The following PDK1 variants were observed in gnomAD, a reference collection of about 807,000 sequenced individuals.
The protein encoded by PDK1 is pyruvate dehydrogenase kinase 1, also known as [Pyruvate dehydrogenase (acetyl-transferring)] kinase isozyme 1, mitochondrial.
Under a neutral mutation model 54.2 loss-of-function variants are expected in PDK1, and 39 were observed. The ratio of observed to expected loss-of-function variants is 0.72; its 90% confidence interval spans 0.56 to 0.94. The LOEUF (loss-of-function observed/expected upper bound fraction) is 0.94. Ranked by LOEUF, PDK1 falls within the 40% of genes least tolerant of loss-of-function variation. The pLI is 0.00. For synonymous variants in PDK1, 221 were observed against 207.1 expected, an observed-to-expected ratio of 1.07 and a Z score of -0.58; for missense variants, 552 against 566.0, an observed-to-expected ratio of 0.98 and a Z score of 0.25.
At chr2:172,711,847 C>G in the PDK1 span, among the ~76,000 whole-genome samples, 6 of 104,826 alleles carry the variant, frequency 5.7e-5, no homozygotes, top group African/African-American at 2.3e-4. Flanking sequence ...GCCAGGGCAA[C>G]AGAGTGAGAA....
rs1691354678 is a variant in PDK1 at position 172,608,070 on chromosome 2, T to G, written c.*12101T>G. On this transcript the variant is annotated 3_prime_UTR_variant, in exon 11 of 11. Coordinates refer to ENST00000282077, the MANE Select transcript of PDK1 (RefSeq NM_002610.5). ...TAATACTTGACTGACATTGAGACCC[T>G]TGATGCAAAAAGGTAAGTAGAAGAG... is the stretch of plus-strand genomic sequence containing the variant. 6.6e-6 allele frequency: 1 copy of G among 152,104 alleles called. No individual in the cohort carries two copies. The highest frequency in any genetic ancestry group is 2.4e-5 in the African/African-American group (1 of 41,428). The allele number at this position is 152,104 out of a possible 1,614,324, so 9.4% of individuals were successfully genotyped here. A position where few individuals can be genotyped will look rare whatever the true frequency, so the allele number is the denominator to read the frequency against.
the PDK1 span, among the ~76,000 whole-genome samples, chr2:172,632,951 A>C: frequency 2.2e-5 from 3 of 134,238 alleles, no homozygotes; most frequent in African/African-American, 8.2e-5. Flanking sequence ...ACTGCACTCC[A>C]GCCTGGGCGA....
chr2:172,682,890 T>C, the PDK1 span, among the ~76,000 whole-genome samples: 1 of 152,096 alleles, frequency 6.6e-6, no homozygotes. Context: ...GGACCATGAA[T>C]ATATTTTGAA....
At chr2:172,654,942 T>C in the PDK1 span, among the ~76,000 whole-genome samples, 2 of 152,162 alleles carry the variant, frequency 1.3e-5, no homozygotes, top group South Asian at 4.2e-4. Context: ...CTGCAGGGGA[T>C]TGGGATTTTG....
chr2:172,573,666 T>C (rs535790843), intron 8 of PDK1, among the ~76,000 whole-genome samples: 4 of 152,026 alleles, frequency 2.6e-5, no homozygotes, highest in Admixed American at 2.6e-4. Flanking sequence ...TCTCTAGATA[T>C]ATATATATGT....
intron 7 of PDK1, among the ~76,000 whole-genome samples, chr2:172,569,798 G>A (rs1689147942): frequency 6.6e-6 from 1 of 152,144 alleles, no homozygotes; most frequent in Non-Finnish European, 1.5e-5. Context: ...TCCTGCCCCA[G>A]AGTGTTGGGA....
chr2:172,570,140 T>A (rs2149228307), intron 7 of PDK1, among the ~76,000 whole-genome samples: 1 of 152,316 alleles, frequency 6.6e-6, no homozygotes, highest in South Asian at 2.1e-4. Context: ...TTTATATCAT[T>A]TTCTACTGCA....
rs193134683 is a variant in PDK1, at chr2:172,586,253, G to A, written c.946-25G>A. The A allele has an allele frequency of 1.4e-3, 1,938 of 1,430,320 alleles. 2 individuals are homozygous for A. Among genetic ancestry groups the A allele is most frequent in the Admixed American group, 2.4e-3 (145 of 59,630 alleles). The allele number at this position is 1,430,320 out of a possible 1,614,324, so 88.6% of individuals were successfully genotyped here. ...TTGCTGTTTTGAGGATTTGGGCATAGAGCACGATCCTTTTCTTACCTTAGA... is the reference window on the plus strand; with the variant it reads ...TTGCTGTTTTGAGGATTTGGGCATAAAGCACGATCCTTTTCTTACCTTAGA... On this transcript the variant is annotated intron_variant, in intron 8 of 10. Transcript: ENST00000282077.
the PDK1 span, among the ~76,000 whole-genome samples, chr2:172,652,610 C>T: frequency 6.6e-6 from 1 of 152,196 alleles, no homozygotes; most frequent in Non-Finnish European, 1.5e-5. Context: ...TGATAAGCAA[C>T]TTCAGCAAAG....
At chr2:172,583,281 G>GTTTTTTCTTTTTTTTTTTT (rs1690012757) in intron 8 of PDK1, among the ~76,000 whole-genome samples, 1 of 77,058 alleles carries the variant, frequency 1.3e-5, no homozygotes, top group African/African-American at 5.4e-5. Context: ...AAGTTTTCTG[G>GTTTTTTCTTTTTTTTTTTT]TTTTTTTTTT....
At chr2:172,585,348 A>G (rs533023127) in intron 8 of PDK1, among the ~76,000 whole-genome samples, 5 of 117,270 alleles carry the variant, frequency 4.3e-5, no homozygotes, top group Non-Finnish European at 8.1e-5. Context: ...TTTTTTGAGA[A>G]GGAGTCTTGC....
intron 6 of PDK1, 106 bp from the exon 7 acceptor site, chr2:172,568,635 T>C (rs1689089019): frequency 1.4e-6 from 1 of 720,496 alleles, no homozygotes; most frequent in Admixed American, 2.2e-5. Flanking sequence ...CAGGTAATAC[T>C]GTCCTCCGTA....
At position 172,596,561 on chromosome 2, in the gene PDK1, G is replaced by A. The variant is rs1469782325; in HGVS notation, c.*592G>A. On this transcript the variant is annotated 3_prime_UTR_variant, in exon 11 of 11. Coordinates refer to ENST00000282077, the MANE Select transcript of PDK1 (RefSeq NM_002610.5). ...TTTTTAAATTTTATTGTAAAGAAGT[G>A]TAATGACTAGCTCTCTGTGGATCTA... 1 of 152,236 alleles carries A rather than the reference G, an allele frequency of 6.6e-6. No homozygotes were observed. The allele number at this position is 152,236 out of a possible 1,614,324, so 9.4% of individuals were successfully genotyped here.
At chr2:172,562,560 G>A (rs1260502241) in intron 3 of PDK1, among the ~76,000 whole-genome samples, 1 of 152,222 alleles carries the variant, frequency 6.6e-6, no homozygotes, top group African/African-American at 2.4e-5. Context: ...CCTGGAGGGT[G>A]CATGCTCCTT....
the PDK1 span, chr2:172,723,096 T>C: frequency 6.6e-6 from 1 of 152,092 alleles, no homozygotes; most frequent in Non-Finnish European, 1.5e-5. Context: ...TACTAGCTTA[T>C]AGACTGGTCT....
intron 6 of PDK1, among the ~76,000 whole-genome samples, chr2:172,567,693 C>G (rs1689030586): frequency 6.6e-6 from 1 of 152,204 alleles, no homozygotes; most frequent in South Asian, 2.1e-4. Context: ...ATAACAATCA[C>G]AGTGTACAAG....
At position 172,556,162 on chromosome 2, in the gene PDK1, G is replaced by A; in HGVS notation, c.12G>A (p.Ala4=). 1.4e-6 allele frequency: 2 copies of A among 1,414,134 alleles called. No homozygotes were observed. The highest frequency in any genetic ancestry group is 1.5e-5 in the South Asian group (1 of 67,300). 87.6% of individuals were successfully genotyped at this position (1,414,134 alleles called of 1,614,324 possible). The change falls in exon 1 of 11, where the codon GCG becomes GCA. Residue 4 remains alanine, a synonymous_variant. Transcript: ENST00000282077. MRL[A]RLLRGAALAG... The stretch of plus-strand genomic sequence containing the variant: ...TAGCGGGACTCGGCATGAGGCTGGC[G>A]CGGCTGCTTCGCGGAGCCGCCTTGG...
rs150464749 is a variant in PDK1 at position 172,594,689 on chromosome 2, A to G, written c.1171-1140A>G. Among the ~76,000 whole-genome samples the G allele has an allele frequency of 5.2e-3, 787 of 152,328 alleles. 9 individuals carry two copies. Among genetic ancestry groups the G allele is most frequent in the African/African-American group, 0.017 (719 of 41,580 alleles). On this transcript the variant is annotated intron_variant, in intron 10 of 10. Transcript: ENST00000282077. ...AATAGAAGATAAGAAGTCTTAGAGA[A>G]TCATTAAAATTGTCAACATCAAAGA...
chr2:172,603,509 A>G lies in PDK1; in HGVS notation c.*7540A>G, dbSNP rs1691182933. 6.6e-6 allele frequency: 1 copy of G among 152,216 alleles called. No individual in the cohort carries two copies. The highest frequency in any genetic ancestry group is 2.1e-4 in the South Asian group (1 of 4,836). The allele number at this position is 152,216 out of a possible 1,614,324, so 9.4% of individuals were successfully genotyped here. ...TTCATGGGGAAGGTCATGGAAGACG[A>G]CAGCAAACTTGAGTGGTTAATGAGA... On this transcript the variant is annotated 3_prime_UTR_variant, in exon 11 of 11. Coordinates refer to ENST00000282077, the MANE Select transcript of PDK1 (RefSeq NM_002610.5).
Sources: allele counts gnomAD v4.1 joint callset (sites outside exome capture counted in the v4.1 genomes callset), GRCh38; gene constraint gnomAD v4.1.1; transcripts MANE v1.5; gene names NCBI Gene and HGNC (gene_info 2026-07-23, HGNC 2026-07-21).